ZBTB7C: variants seen among roughly 807,000 people sequenced by gnomAD.
ZBTB7C encodes zinc finger and BTB domain containing 7C.
Under a neutral mutation model 25.7 loss-of-function variants are expected in ZBTB7C, and 8 were observed. The ratio of observed to expected loss-of-function variants is 0.31; its 90% confidence interval spans 0.18 to 0.56. The LOEUF (loss-of-function observed/expected upper bound fraction) is 0.56, where lower values mean the gene tolerates loss of function less well. Among genes scored for constraint, ZBTB7C ranks in the 20% least tolerant of loss-of-function variants. ZBTB7C has a pLI of 0.91. For missense variants in ZBTB7C, 824 were observed against 855.2 expected (o/e 0.96, Z 0.46); for synonymous variants, 394 against 369.0 (o/e 1.07, Z -0.78).
intron 2 of ZBTB7C, among the ~76,000 whole-genome samples, chr18:48,266,134 T>C (rs2044306156): frequency 6.6e-6 from 1 of 152,182 alleles, no homozygotes; most frequent in Non-Finnish European, 1.5e-5. Flanking sequence ...TGAGATTGTT[T>C]CAAAATTTTA....
intron 3 of ZBTB7C, among the ~76,000 whole-genome samples, chr18:48,104,931 A>G (rs547540389): frequency 6.6e-6 from 1 of 152,310 alleles, no homozygotes; most frequent in South Asian, 2.1e-4. Context: ...AGAAGGGCCC[A>G]CACCCAGCTG....
At chr18:48,160,318 A>G (rs2040966140) in intron 3 of ZBTB7C, among the ~76,000 whole-genome samples, 1 of 152,230 alleles carries the variant, frequency 6.6e-6, no homozygotes, top group Non-Finnish European at 1.5e-5. Context: ...ACCGGTATCT[A>G]CTGAGCAACT....
At position 48,274,135 on chromosome 18, in the gene ZBTB7C, T is replaced by G. The variant is rs559948278; in HGVS notation, c.-79+64039A>C. On this transcript the variant is annotated intron_variant, in intron 2 of 4. Transcript: ENST00000590800. ...GCTTTTTGCTCTAGTTACACAAGATTATGTGTGATGGAATTGGGCCAAGCA... is the reference window on the plus strand; with the variant it reads ...GCTTTTTGCTCTAGTTACACAAGATGATGTGTGATGGAATTGGGCCAAGCA... Among the ~76,000 whole-genome samples, 3 of 152,252 alleles carry G rather than the reference T, an allele frequency of 2.0e-5. No individual in the cohort carries two copies. In the South Asian group the frequency reaches 6.2e-4, roughly 32 times the overall value.
intron 1 of ZBTB7C, among the ~76,000 whole-genome samples, chr18:48,372,548 A>T (rs1218898134): frequency 1.3e-5 from 2 of 152,178 alleles, no homozygotes; most frequent in Non-Finnish European, 2.9e-5. Flanking sequence ...TTAAACCTTG[A>T]CGTGGGTTAA....
chr18:48,320,465 G>C (rs2046063282), intron 2 of ZBTB7C, among the ~76,000 whole-genome samples: 1 of 152,208 alleles, frequency 6.6e-6, no homozygotes, highest in African/African-American at 2.4e-5. Context: ...ACTGGGGGCA[G>C]AGGCTGGGAG....
chr18:48,126,091 A>G lies in ZBTB7C; in HGVS notation c.-17+59843T>C, dbSNP rs190786250. The stretch of plus-strand genomic sequence containing the variant: ...TTATATCATTTGATTTCTTCAAAGG[A>G]TATCATTTCAAAAATTTACATACAG... On this transcript the variant is annotated intron_variant, in intron 3 of 4. Transcript: ENST00000590800. Among the ~76,000 whole-genome samples the G allele has an allele frequency of 5.9e-5, 9 of 152,272 alleles. No homozygotes were observed. The East Asian group carries it at 1.3e-3, about 23-fold the overall frequency.
intron 1 of ZBTB7C, among the ~76,000 whole-genome samples, chr18:48,406,749 C>A (rs1308034759): frequency 2.0e-5 from 3 of 152,196 alleles, no homozygotes; most frequent in Non-Finnish European, 4.4e-5. Context: ...ACAAAATATT[C>A]TCTCTTGCAA....
At chr18:48,383,866 AGTG>A (rs2047687441) in intron 1 of ZBTB7C, among the ~76,000 whole-genome samples, 1 of 151,432 alleles carries the variant, frequency 6.6e-6, no homozygotes, top group African/African-American at 2.4e-5. Context: ...GTGGTGCCTA[AGTG>A]AGGCTGGAAG....
intron 2 of ZBTB7C, among the ~76,000 whole-genome samples, chr18:48,287,610 A>G (rs1434130983): frequency 6.6e-6 from 1 of 152,258 alleles, no homozygotes; most frequent in Admixed American, 6.5e-5. Flanking sequence ...AGTCTCAAGA[A>G]GGAAAATTAC....
At chr18:48,268,832 TAATAA>T (rs1177273241) in intron 2 of ZBTB7C, among the ~76,000 whole-genome samples, 1 of 152,236 alleles carries the variant, frequency 6.6e-6, no homozygotes, top group African/African-American at 2.4e-5. Flanking sequence ...TGTGATGCTA[TAATAA>T]AATATCTTAG....
chr18:48,372,011 G>C (rs1038669), intron 1 of ZBTB7C, among the ~76,000 whole-genome samples: 16,565 of 152,176 alleles, frequency 0.11, 1,051 homozygotes, highest in Non-Finnish European at 0.14. Flanking sequence ...TCCACCAGCG[G>C]CTCTGCCCAG....
intron 3 of ZBTB7C, among the ~76,000 whole-genome samples, chr18:48,114,533 C>T (rs1189418298): frequency 1.3e-5 from 2 of 151,846 alleles, no homozygotes; most frequent in African/African-American, 4.8e-5. Context: ...CCTGGGAGGT[C>T]CAAGTTGCAG....
At chr18:48,328,778 T>C (rs2046282290) in intron 2 of ZBTB7C, among the ~76,000 whole-genome samples, 1 of 151,916 alleles carries the variant, frequency 6.6e-6, no homozygotes, top group Non-Finnish European at 1.5e-5. Context: ...ATGTGCCTGG[T>C]AGGGAAAAAG....
intron 2 of ZBTB7C, among the ~76,000 whole-genome samples, chr18:48,209,496 C>T (rs759205436): frequency 9.9e-5 from 15 of 152,042 alleles, no homozygotes; most frequent in African/African-American, 2.7e-4. Flanking sequence ...GTGGTTTACC[C>T]GTAATCCCAG....
chr18:48,140,161 A>C (rs116579562), intron 3 of ZBTB7C, among the ~76,000 whole-genome samples: 3,130 of 152,354 alleles, frequency 0.021, 112 homozygotes, highest in African/African-American at 0.072. Flanking sequence ...CTACTGTCTT[A>C]ACTTGAAACC....
At chr18:48,307,874 G>A (rs2045714062) in intron 2 of ZBTB7C, among the ~76,000 whole-genome samples, 1 of 151,970 alleles carries the variant, frequency 6.6e-6, no homozygotes, top group South Asian at 2.1e-4. Context: ...TAAATAAATT[G>A]TACTTTTCTG....
chr18:48,040,060 A>C lies in ZBTB7C; in HGVS notation c.1048T>G (p.Trp350Gly), dbSNP rs549143974. The change falls in exon 4 of 5, where the codon TGG becomes GGG. Residue 350 changes from tryptophan to glycine, a missense_variant. Coordinates refer to ENST00000590800, the MANE Select transcript of ZBTB7C (RefSeq NM_001318841.2). ...AGCTTGCGCTCTTCTACCAGGGGCC[A>C]GGGTGGGAAGAGGCCTCCCAGGTGG... Reference protein sequence around the residue: ...ATHLGGLFPPWPLVEERKLKP... With the variant: ...ATHLGGLFPPGPLVEERKLKP... 1.1e-5 allele frequency: 17 copies of C among 1,613,688 alleles called. No homozygotes were observed. The South Asian group carries it at 1.9e-4, about 18-fold the overall frequency.
At chr18:48,170,859 G>A (rs1210297233) in intron 3 of ZBTB7C, among the ~76,000 whole-genome samples, 4 of 152,056 alleles carry the variant, frequency 2.6e-5, no homozygotes, top group African/African-American at 9.7e-5. Flanking sequence ...CGACTGCAGA[G>A]GCCTCTGTGG....
intron 1 of ZBTB7C, among the ~76,000 whole-genome samples, chr18:48,345,136 A>G (rs994589529): frequency 6.6e-6 from 1 of 152,110 alleles, no homozygotes; most frequent in African/African-American, 2.4e-5. Flanking sequence ...TGGTGCTATC[A>G]CCTCTCACTA....
Sources: allele counts gnomAD v4.1 joint callset (sites outside exome capture counted in the v4.1 genomes callset), GRCh38; gene constraint gnomAD v4.1.1; transcripts MANE v1.5; gene names NCBI Gene and HGNC (gene_info 2026-07-23, HGNC 2026-07-21).